The following GCLC variants were observed in gnomAD, a reference collection of about 807,000 sequenced individuals.
GCLC encodes glutamate--cysteine ligase catalytic subunit.
In GCLC, 30 loss-of-function variants were observed where a neutral mutation model predicts 81.5. The ratio of observed to expected loss-of-function variants is 0.37; its 90% confidence interval spans 0.28 to 0.50. The LOEUF (loss-of-function observed/expected upper bound fraction) is 0.50, where lower values mean the gene tolerates loss of function less well. GCLC is among the 20% of genes least tolerant of loss of function. The pLI, the probability that GCLC is intolerant of heterozygous loss-of-function variation, is 0.96. For synonymous variants in GCLC, 262 were observed against 273.3 expected, an observed-to-expected ratio of 0.96 and a Z score of 0.41; for missense variants, 556 against 777.4, an observed-to-expected ratio of 0.72 and a Z score of 3.39.
intron 2 of GCLC, among the ~76,000 whole-genome samples, chr6:53,521,622 A>C (rs1762997150): frequency 6.6e-6 from 1 of 152,142 alleles, no homozygotes; most frequent in South Asian, 2.1e-4. Context: ...AAATGAGCAG[A>C]GGAGTATATA....
In GCLC at chr6:53,522,523, T is replaced by G. The variant is rs1186247362; in HGVS notation, c.155A>C (p.Glu52Ala). ...ATGATCAAAAGATACCAACATGTATTCCACCTATTGAAAATAAAGGTGAGA... is the reference window on the plus strand; with the variant it reads ...ATGATCAAAAGATACCAACATGTATGCCACCTATTGAAAATAAAGGTGAGA... The part of the protein sequence containing the change: ...KDVLKWGDEV[E>A]YMLVSFDHEN... Residue 52 changes from glutamate to alanine, a missense_variant, in exon 2 of 16, where the codon GAA (glutamate) becomes GCA (alanine). Physicochemically the swap from Glu to Ala is moderately radical, Grantham distance 107. Around this residue, in one of 3 missense-constraint regions of GCLC, gnomAD observed 234 missense variants for 303.8 expected, o/e 0.77. Transcript: ENST00000650454. The G allele has an allele frequency of 6.3e-7, 1 of 1,579,420 alleles. No individual in the cohort carries two copies. The highest frequency in any genetic ancestry group is 8.7e-7 in the Non-Finnish European group (1 of 1,148,756).
intron 3 of GCLC, among the ~76,000 whole-genome samples, chr6:53,520,541 C>T (rs1164827801): frequency 6.6e-6 from 1 of 152,206 alleles, no homozygotes; most frequent in Non-Finnish European, 1.5e-5. Context: ...CCTGGTCTTT[C>T]CCACTGAGCC....
At chr6:53,500,970 C>T in intron 12 of GCLC, 1 of 272,736 alleles carries the variant, frequency 3.7e-6, no homozygotes, top group Non-Finnish European at 7.1e-6. Context: ...GGTTGGAGTG[C>T]AGTGGTGCAA....
chr6:53,524,549 C>T lies in GCLC; in HGVS notation c.151-2022G>A, dbSNP rs116347669. ...ACTGGCCCATCCCTCAGGCCCAGGA[C>T]GGAACCCACTTACTCTGTGTAGCAT... On this transcript the variant is annotated intron_variant, in intron 1 of 15. Coordinates refer to ENST00000650454, the MANE Select transcript of GCLC (RefSeq NM_001498.4). 5.9e-3 allele frequency among the ~76,000 whole-genome samples: 903 copies of T among 152,240 alleles called. 7 individuals carry two copies. The highest frequency in any genetic ancestry group is 0.021 in the African/African-American group (863 of 41,530).
At chr6:53,516,808 C>T (rs928594102) in intron 3 of GCLC, among the ~76,000 whole-genome samples, 1 of 152,150 alleles carries the variant, frequency 6.6e-6, no homozygotes, top group African/African-American at 2.4e-5. Context: ...AAGTCTGAAA[C>T]CCAATCCTAT....
intron 1 of GCLC, among the ~76,000 whole-genome samples, chr6:53,535,657 G>A (rs1349059342): frequency 1.3e-5 from 2 of 152,202 alleles, no homozygotes; most frequent in Admixed American, 6.5e-5. Context: ...ACAGACAAAT[G>A]ATTTTAACAC....
chr6:53,533,447 T>C (rs1223221117), intron 1 of GCLC, among the ~76,000 whole-genome samples: 1 of 152,204 alleles, frequency 6.6e-6, no homozygotes, highest in Non-Finnish European at 1.5e-5. Context: ...GCCATCATTC[T>C]TCCTACACAC....
chr6:53,532,686 T>G (rs889194224), intron 1 of GCLC, among the ~76,000 whole-genome samples: 20 of 152,234 alleles, frequency 1.3e-4, no homozygotes, highest in African/African-American at 4.6e-4. Context: ...ATGGAGTCAC[T>G]CACCTTAGAG....
chr6:53,514,983 C>G (rs1352111282), intron 4 of GCLC, among the ~76,000 whole-genome samples: 1 of 152,174 alleles, frequency 6.6e-6, no homozygotes, highest in Non-Finnish European at 1.5e-5. Flanking sequence ...ACCAGGCACA[C>G]AGTGGCCACT....
chr6:53,508,791 C>T (rs1764673579), intron 7 of GCLC, 80 bp from the exon 8 acceptor site: 4 of 962,168 alleles, frequency 4.2e-6, no homozygotes, highest in Non-Finnish European at 6.8e-6. Flanking sequence ...AGTTATATTT[C>T]TGATCAAAAA....
At chr6:53,530,356 G>T (rs1763151290) in intron 1 of GCLC, among the ~76,000 whole-genome samples, 1 of 152,194 alleles carries the variant, frequency 6.6e-6, no homozygotes, top group Admixed American at 6.5e-5. Context: ...CACCAACAGA[G>T]TAACTGTAAC....
intron 12 of GCLC, among the ~76,000 whole-genome samples, chr6:53,504,517 G>A (rs1764575816): frequency 6.6e-6 from 1 of 152,286 alleles, no homozygotes; most frequent in Admixed American, 6.5e-5. Context: ...ATCTCTCTTA[G>A]ATGGATTTGG....
intron 12 of GCLC, among the ~76,000 whole-genome samples, chr6:53,501,552 T>C (rs1764514084): frequency 6.6e-6 from 1 of 152,146 alleles, no homozygotes; most frequent in African/African-American, 2.4e-5. Context: ...CCTCAATATA[T>C]ACAACAGTGA....
At chr6:53,512,077 T>C (rs754945239) in intron 6 of GCLC, among the ~76,000 whole-genome samples, 1 of 151,764 alleles carries the variant, frequency 6.6e-6, no homozygotes, top group Admixed American at 6.6e-5. Context: ...GACTCCTCAG[T>C]AGCTGGGATT....
intron 1 of GCLC, among the ~76,000 whole-genome samples, chr6:53,543,538 C>T (rs879226530): frequency 6.6e-6 from 1 of 151,766 alleles, no homozygotes; most frequent in Non-Finnish European, 1.5e-5. Flanking sequence ...ACAACACTGG[C>T]CAAAAGATAA....
chr6:53,508,921 G>C (rs1416924627), intron 7 of GCLC, among the ~76,000 whole-genome samples: 2 of 152,130 alleles, frequency 1.3e-5, no homozygotes, highest in Non-Finnish European at 2.9e-5. Context: ...TCTAATGTGA[G>C]GACATGAAGT....
intron 12 of GCLC, among the ~76,000 whole-genome samples, chr6:53,502,228 C>CA (rs75657403): frequency 0.028 from 4,257 of 152,270 alleles, 136 homozygotes; most frequent in East Asian, 0.18. Flanking sequence ...TTAACCATGC[C>CA]TTTAATTCCC....
intron 1 of GCLC, among the ~76,000 whole-genome samples, chr6:53,538,330 CT>C (rs111804488): frequency 1.6e-3 from 220 of 135,712 alleles, no homozygotes; most frequent in Non-Finnish European, 1.7e-3. Context: ...TATGCATTTT[CT>C]TTTTTTTTTT....
intron 1 of GCLC, 73 bp downstream of exon 1, chr6:53,544,423 G>A (rs1416729594): frequency 2.0e-6 from 3 of 1,513,226 alleles, no homozygotes; most frequent in Non-Finnish European, 2.7e-6. Flanking sequence ...GGCCGGGGGC[G>A]TAGGGCAAGA....
Sources: gnomAD v4.1 joint callset for allele counts (sites outside exome capture counted in the v4.1 genomes callset) on GRCh38, gnomAD v4.1.1 for gene constraint, gnomAD v4.1.1 regional missense constraint, MANE v1.5 for transcripts, NCBI Gene and HGNC (gene_info 2026-07-23, HGNC 2026-07-21) for gene names.